FLT4: variants seen among roughly 807,000 people sequenced by gnomAD.
FLT4 encodes the protein vascular endothelial growth factor receptor 3.
A neutral mutation model predicts 163.2 loss-of-function variants in FLT4; 30 were observed. That is an observed-to-expected ratio of 0.18 (90% confidence interval 0.14 to 0.25). The LOEUF (loss-of-function observed/expected upper bound fraction) is 0.25, where lower values mean the gene tolerates loss of function less well. FLT4 is among the 10% of genes least tolerant of loss of function. The pLI, the probability that FLT4 is intolerant of heterozygous loss-of-function variation, is 1.00. For synonymous variants in FLT4, 884 were observed against 789.5 expected, an observed-to-expected ratio of 1.12 and a Z score of -2.01; for missense variants, 1,510 against 1,863.8, an observed-to-expected ratio of 0.81 and a Z score of 3.50.
intron 29 of FLT4, among the ~76,000 whole-genome samples, chr5:180,607,534 G>C (rs1190431656): frequency 2.0e-5 from 3 of 151,566 alleles, no homozygotes; most frequent in Admixed American, 2.0e-4. Flanking sequence ...CCAGCTACTC[G>C]GAAGGCTGAG....
intron 1 of FLT4, among the ~76,000 whole-genome samples, chr5:180,648,534 ACTGGAAC>A (rs1480414844): frequency 6.6e-6 from 1 of 152,180 alleles, no homozygotes; most frequent in African/African-American, 2.4e-5. Flanking sequence ...GGCTTCAGAC[ACTGGAAC>A]CCCTGACCCC....
chr5:180,603,981 G>C (rs1482736552), intron 29 of FLT4, among the ~76,000 whole-genome samples: 1 of 152,048 alleles, frequency 6.6e-6, no homozygotes, highest in Non-Finnish European at 1.5e-5. Context: ...CTCCAGCCTG[G>C]GTGACAAAGT....
chr5:180,612,934 C>T, intron 25 of FLT4, 77 bp downstream of exon 25: 3 of 1,147,076 alleles, frequency 2.6e-6, no homozygotes, highest in Non-Finnish European at 3.8e-6. Context: ...TCCCTGATGC[C>T]ACCTTCTCAT....
intron 8 of FLT4, among the ~76,000 whole-genome samples, chr5:180,627,074 C>T (rs892073712): frequency 6.6e-6 from 1 of 152,098 alleles, no homozygotes; most frequent in African/African-American, 2.4e-5. Context: ...CGTGAGGAAG[C>T]AGATGCCTCA....
chr5:180,649,357 G>T lies in FLT4; in HGVS notation c.58+131C>A, dbSNP rs999397167. On this transcript the variant is annotated intron_variant, in intron 1 of 29. Coordinates refer to ENST00000261937, the MANE Select transcript of FLT4 (RefSeq NM_182925.5). ...CCCAAGCGCCGTGCTCCCCTCAGGCGTCCGCGCACCAGGGCCACCGTGTCC... is the reference window on the plus strand; with the variant it reads ...CCCAAGCGCCGTGCTCCCCTCAGGCTTCCGCGCACCAGGGCCACCGTGTCC... 12 of 592,182 alleles carry T rather than the reference G, an allele frequency of 2.0e-5. No homozygotes were observed. In the African/African-American group the frequency reaches 2.4e-4, roughly 12 times the overall value. 36.7% of individuals were successfully genotyped at this position (592,182 alleles called of 1,614,324 possible).
upstream of FLT4, chr5:180,649,624 T>TGGGGCGGGGC (rs908085275): frequency 1.9e-5 from 12 of 642,670 alleles, 1 homozygote; most frequent in Admixed American, 1.5e-4. Context: ...CCGGCTGGCC[T>TGGGGCGGGGC]GGGGCGGGGC....
At chr5:180,613,662 T>C in intron 24 of FLT4, 1 of 326,590 alleles carries the variant, frequency 3.1e-6, no homozygotes, top group Admixed American at 3.9e-5. Flanking sequence ...CTTGGTGACA[T>C]TTTAACTTTT....
chr5:180,620,855 G>C lies in FLT4; in HGVS notation c.2299+21C>G. On this transcript the variant is annotated intron_variant, in intron 15 of 29. Coordinates refer to ENST00000261937, the MANE Select transcript of FLT4 (RefSeq NM_182925.5). This position sits in a 1 kb window ranked among gnomAD's most constrained non-coding sequence, Gnocchi z 4.4. Reference sequence around the variant, plus strand: ...AACTGGGGACGGGAAGGGAGTTGAGGGGTGCAGCCTGAGGCCAGACCTTCC... The same window carrying C: ...AACTGGGGACGGGAAGGGAGTTGAGCGGTGCAGCCTGAGGCCAGACCTTCC... 6.2e-7 allele frequency: 1 copy of C among 1,609,744 alleles called. No homozygotes were observed. The highest frequency in any genetic ancestry group is 8.5e-7 in the Non-Finnish European group (1 of 1,178,848).
At chr5:180,621,518 C>A in intron 13 of FLT4, 24 bp downstream of exon 13, 2 of 1,609,646 alleles carry the variant, frequency 1.2e-6, no homozygotes, top group South Asian at 2.2e-5. Context: ...AGCGCGTCCC[C>A]GCCCTCCCCG....
At chr5:180,649,341 C>G (rs1285991553) in intron 1 of FLT4, 147 bp downstream of exon 1, 5 of 496,242 alleles carry the variant, frequency 1.0e-5, no homozygotes, top group East Asian at 4.0e-5. Context: ...CCCCAAGCGC[C>G]GTGCTCCCCT....
intron 6 of FLT4, 100 bp from the exon 7 acceptor site, chr5:180,629,527 GC>G: frequency 1.3e-6 from 2 of 1,513,822 alleles, no homozygotes; most frequent in South Asian, 1.1e-5. Context: ...GGCTCCGGAA[GC>G]CCTGGACCCA....
chr5:180,643,956 G>A (rs1210897111), intron 1 of FLT4, among the ~76,000 whole-genome samples: 3 of 152,056 alleles, frequency 2.0e-5, no homozygotes, highest in Non-Finnish European at 1.5e-5. Context: ...CGAGTAGTTG[G>A]GATTACAGAC....
At chr5:180,649,045 C>T (rs940163731) in intron 1 of FLT4, among the ~76,000 whole-genome samples, 7 of 152,086 alleles carry the variant, frequency 4.6e-5, no homozygotes, top group African/African-American at 1.7e-4. Flanking sequence ...CGCTGGGCGT[C>T]GGGAAGTGCG....
intron 23 of FLT4, among the ~76,000 whole-genome samples, chr5:180,615,593 C>A (rs1249357403): frequency 1.7e-5 from 1 of 59,476 alleles, no homozygotes; most frequent in Non-Finnish European, 3.3e-5. Flanking sequence ...CACTGGGTCC[C>A]GCTGGTCACC....
Position 180,622,015 on chromosome 5 carries a change from GCCCCA to G in FLT4, c.1658-116_1658-112del. The G allele has an allele frequency of 1.5e-5, 20 of 1,338,466 alleles. No individual in the cohort carries two copies. The South Asian group carries it at 2.6e-4, about 18-fold the overall frequency. 82.9% of individuals were successfully genotyped at this position (1,338,466 alleles called of 1,614,324 possible). On this transcript the variant is annotated intron_variant, in intron 12 of 29. Coordinates refer to ENST00000261937, the MANE Select transcript of FLT4 (RefSeq NM_182925.5). ...CCCTCCCTCCCTCTCTCCTGGAGGG[GCCCCA>G]GCTGGACTGCTTGCCCCCCGCCCCA...
chr5:180,604,738 CTT>C (rs1458560000), intron 29 of FLT4, among the ~76,000 whole-genome samples: 2 of 152,256 alleles, frequency 1.3e-5, no homozygotes. Context: ...ACTGAAAACT[CTT>C]GACTGTAAGT....
At position 180,617,074 on chromosome 5, in the gene FLT4, A is replaced by G. The variant is rs1340759153; in HGVS notation, c.3002-80T>C. The G allele has an allele frequency of 4.0e-6, 4 of 1,005,956 alleles. No individual in the cohort carries two copies. The East Asian group carries it at 9.7e-5, about 24-fold the overall frequency. 62.3% of individuals were successfully genotyped at this position (1,005,956 alleles called of 1,614,324 possible). Reference sequence around the variant, plus strand: ...ACCCAGCCCCAGGGAACAGCTAACAAGCATGTCAGCCCCTCTCCTGCCCCT... The same window carrying G: ...ACCCAGCCCCAGGGAACAGCTAACAGGCATGTCAGCCCCTCTCCTGCCCCT... On this transcript the variant is annotated intron_variant, in intron 21 of 29. Transcript: ENST00000261937.
Position 180,630,754 on chromosome 5 carries a change from C to A in FLT4, c.201G>T (p.Ala67=), listed in dbSNP as rs144864064. 2 of 1,608,982 alleles carry A rather than the reference C, an allele frequency of 1.2e-6. No individual in the cohort carries two copies. Among genetic ancestry groups the A allele is most frequent in the South Asian group, 2.2e-5 (2 of 91,048 alleles). ...LEWAWPGAQE[A]PATGDKDSED... is the part of the protein sequence containing the mutation. ...CGCTGTCCTTGTCTCCGGTGGCTGG[C>A]GCCTCCTGAGCTCCTGGCCAAGCCC... is the stretch of plus-strand genomic sequence containing the variant. The change falls in exon 3 of 30, where the codon GCG becomes GCT. Residue 67 remains alanine (A), a synonymous_variant. Coordinates refer to ENST00000261937, the MANE Select transcript of FLT4 (RefSeq NM_182925.5). This position sits in a 1 kb window ranked among gnomAD's most constrained non-coding sequence, Gnocchi z 6.3.
At chr5:180,638,762 C>T (rs890901334) in intron 1 of FLT4, among the ~76,000 whole-genome samples, 3 of 152,224 alleles carry the variant, frequency 2.0e-5, no homozygotes, top group Admixed American at 2.0e-4. Flanking sequence ...CTCACCCCTA[C>T]AAAATGGCTC....
Sources: gnomAD v4.1 joint callset for allele counts (sites outside exome capture counted in the v4.1 genomes callset) on GRCh38, gnomAD v4.1.1 for gene constraint, Gnocchi (gnomAD v3.1) non-coding constraint, MANE v1.5 for transcripts, NCBI Gene and HGNC (gene_info 2026-07-23, HGNC 2026-07-21) for gene names.